Variants in ZRANB3 observed in about 807,000 individuals in gnomAD.
ZRANB3 encodes the protein DNA annealing helicase and endonuclease ZRANB3.
Under a neutral mutation model 133.8 loss-of-function variants are expected in ZRANB3, and 125 were observed. That is an observed-to-expected ratio of 0.93 (90% CI 0.81 to 1.08). ZRANB3 has a LOEUF of 1.08. Among genes scored for constraint, ZRANB3 ranks in the 50% least tolerant of loss-of-function variants. The pLI is 0.00. For missense variants in ZRANB3, 1,229 were observed against 1,275.5 expected (o/e 0.96, Z 0.56); for synonymous variants, 387 against 432.7 (o/e 0.89, Z 1.31).
At chr2:135,260,702 T>C (rs1045322173) in intron 12 of ZRANB3, among the ~76,000 whole-genome samples, 10 of 146,316 alleles carry the variant, frequency 6.8e-5, no homozygotes, top group Admixed American at 1.4e-4. Flanking sequence ...TATACTTGAA[T>C]ATATTATTGA....
intron 2 of ZRANB3, among the ~76,000 whole-genome samples, chr2:135,405,039 G>C (rs1687941305): frequency 6.6e-6 from 1 of 152,220 alleles, no homozygotes; most frequent in Non-Finnish European, 1.5e-5. Flanking sequence ...TGGATAAAGA[G>C]TCAAGACCCA....
chr2:135,200,302 C>T lies in ZRANB3; in HGVS notation c.*40G>A, dbSNP rs759648831. Reference sequence around the variant, plus strand: ...AAAACTTCTGTATTAAAGTCTTCCACATGTAAACCATTTGTCATTCATTCA... The same window carrying T: ...AAAACTTCTGTATTAAAGTCTTCCATATGTAAACCATTTGTCATTCATTCA... On this transcript the variant is annotated 3_prime_UTR_variant, in exon 21 of 21. Coordinates refer to ENST00000264159, the MANE Select transcript of ZRANB3 (RefSeq NM_032143.4). The T allele has an allele frequency of 6.4e-5, 96 of 1,496,932 alleles. No homozygotes were observed. The highest frequency in any genetic ancestry group is 7.9e-5 in the Admixed American group (4 of 50,822). 92.7% of individuals were successfully genotyped at this position (1,496,932 alleles called of 1,614,324 possible).
intron 2 of ZRANB3, among the ~76,000 whole-genome samples, chr2:135,461,720 A>C (rs1476549894): frequency 6.6e-6 from 1 of 152,214 alleles, no homozygotes; most frequent in Non-Finnish European, 1.5e-5. Flanking sequence ...TCTACGTAGC[A>C]TCGTAGGCAC....
intron 6 of ZRANB3, among the ~76,000 whole-genome samples, chr2:135,343,584 A>G (rs866493102): frequency 6.7e-6 from 1 of 149,780 alleles, no homozygotes; most frequent in African/African-American, 2.6e-5. Flanking sequence ...TGTTATTTAA[A>G]GGAATTATAA....
intron 3 of ZRANB3, among the ~76,000 whole-genome samples, chr2:135,383,355 A>G (rs574494591): frequency 6.6e-6 from 1 of 152,322 alleles, no homozygotes; most frequent in East Asian, 1.9e-4. Flanking sequence ...ACAAGACCTT[A>G]GAGATGTAAA....
intron 19 of ZRANB3, among the ~76,000 whole-genome samples, chr2:135,205,125 C>T (rs1573663790): frequency 6.6e-6 from 1 of 152,084 alleles, no homozygotes; most frequent in South Asian, 2.1e-4. Flanking sequence ...TGCAGAAATG[C>T]CGATTAATTC....
intron 2 of ZRANB3, among the ~76,000 whole-genome samples, chr2:135,405,819 C>G (rs7604622): frequency 0.069 from 10,496 of 152,220 alleles, 758 homozygotes; most frequent in African/African-American, 0.19. Context: ...ACATTCAAAG[C>G]AGTGTGTAGA....
intron 2 of ZRANB3, among the ~76,000 whole-genome samples, chr2:135,446,595 A>T (rs1690033134): frequency 6.6e-6 from 1 of 152,202 alleles, no homozygotes; most frequent in South Asian, 2.1e-4. Context: ...AAGCTTGATG[A>T]AAAGTCGGAT....
At position 135,327,692 on chromosome 2, in the gene ZRANB3, C is replaced by T. The variant is rs569974267; in HGVS notation, c.678-12162G>A. ...TATGTGATTTGACAAGTTACTTAAC[C>T]GTTCCAAATACAGCTTAACCTTTCC... is the stretch of plus-strand genomic sequence containing the variant. On this transcript the variant is annotated intron_variant, in intron 6 of 20. Transcript: ENST00000264159. 2.5e-4 allele frequency among the ~76,000 whole-genome samples: 38 copies of T among 152,174 alleles called. 1 individual carries two copies. In the South Asian group the frequency reaches 7.7e-3, roughly 31 times the overall value.
At chr2:135,296,904 C>A (rs1374688107) in intron 8 of ZRANB3, among the ~76,000 whole-genome samples, 1 of 152,164 alleles carries the variant, frequency 6.6e-6, no homozygotes, top group Non-Finnish European at 1.5e-5. Flanking sequence ...TATTGGTGAA[C>A]CGCAAATGCT....
intron 2 of ZRANB3, among the ~76,000 whole-genome samples, chr2:135,405,645 T>A (rs1687979170): frequency 6.6e-6 from 1 of 152,162 alleles, no homozygotes; most frequent in African/African-American, 2.4e-5. Context: ...GCAATCAAAC[T>A]AGAACTCAGG....
In ZRANB3 at chr2:135,313,243, C is replaced by G. The variant is rs371004708; in HGVS notation, c.966+246G>C. 6.4e-4 allele frequency among the ~76,000 whole-genome samples: 96 copies of G among 150,852 alleles called. 1 individual carries two copies. Among genetic ancestry groups the G allele is most frequent in the African/African-American group, 2.0e-3 (82 of 41,094 alleles). Reference sequence around the variant, plus strand: ...TGGCATGTGCCTGTAGTCCTGGCTACTTGGGAGACTGAGGCAGGAGAATGG... The same window carrying G: ...TGGCATGTGCCTGTAGTCCTGGCTAGTTGGGAGACTGAGGCAGGAGAATGG... On this transcript the variant is annotated intron_variant, in intron 8 of 20. Transcript: ENST00000264159.
chr2:135,238,297 A>G (rs775632749), intron 12 of ZRANB3, among the ~76,000 whole-genome samples: 8 of 152,084 alleles, frequency 5.3e-5, no homozygotes, highest in Non-Finnish European at 1.0e-4. Flanking sequence ...ACATGCCTCC[A>G]TTGAGAGGTG....
chr2:135,213,665 C>T (rs972939075), intron 17 of ZRANB3, among the ~76,000 whole-genome samples: 1 of 152,136 alleles, frequency 6.6e-6, no homozygotes, highest in Middle Eastern at 3.2e-3. Context: ...TACAGATCCT[C>T]ATCGTTTTTC....
chr2:135,388,271 C>A (rs1351137923), intron 3 of ZRANB3, among the ~76,000 whole-genome samples: 1 of 152,138 alleles, frequency 6.6e-6, no homozygotes, highest in East Asian at 1.9e-4. Context: ...ACTGGGTCAC[C>A]CCTCCCATCA....
At chr2:135,339,359 G>A (rs1010010461) in intron 6 of ZRANB3, among the ~76,000 whole-genome samples, 14 of 151,842 alleles carry the variant, frequency 9.2e-5, no homozygotes, top group Admixed American at 3.3e-4. Flanking sequence ...TGCAGTGAGC[G>A]TGCCACTGCA....
At chr2:135,470,037 A>G (rs982476904) in intron 2 of ZRANB3, among the ~76,000 whole-genome samples, 1 of 132,838 alleles carries the variant, frequency 7.5e-6, no homozygotes, top group Non-Finnish European at 1.6e-5. Context: ...AGAAAGAAAT[A>G]TTCTAGGTTG....
At chr2:135,271,360 A>C (rs1159076954) in intron 10 of ZRANB3, 1 of 472,082 alleles carries the variant, frequency 2.1e-6, no homozygotes, top group Non-Finnish European at 4.4e-6. Context: ...CTGAGACAAG[A>C]GTTCTTTTCC....
chr2:135,376,093 G>A (rs1272419413), intron 3 of ZRANB3, among the ~76,000 whole-genome samples: 1 of 152,196 alleles, frequency 6.6e-6, no homozygotes, highest in Non-Finnish European at 1.5e-5. Context: ...AATGGCGTGT[G>A]AAGACAGAGG....
Sources: allele counts gnomAD v4.1 joint callset (sites outside exome capture counted in the v4.1 genomes callset), GRCh38; gene constraint gnomAD v4.1.1; transcripts MANE v1.5; gene names NCBI Gene and HGNC (gene_info 2026-07-23, HGNC 2026-07-21).